The following SNX19 variants were observed in gnomAD, a reference collection of about 807,000 sequenced individuals.
SNX19 encodes the protein sorting nexin-19.
In SNX19, 60 loss-of-function variants were observed where a neutral mutation model predicts 85.2. The ratio of observed to expected loss-of-function variants is 0.70; its 90% confidence interval spans 0.57 to 0.87. The LOEUF (loss-of-function observed/expected upper bound fraction) is 0.87. Ranked by LOEUF, SNX19 falls within the 40% of genes least tolerant of loss-of-function variation. The pLI is 0.00. For synonymous variants in SNX19, 520 were observed against 470.0 expected, an observed-to-expected ratio of 1.11 and a Z score of -1.38; for missense variants, 1,201 against 1,217.8, an observed-to-expected ratio of 0.99 and a Z score of 0.21.
At position 130,868,017 on chromosome 11, in the gene SNX19, G is replaced by A. The variant is rs942753820; in HGVS notation, c.*10405C>T. ...TAATCCTGTGACAATGCCAAAGAAC[G>A]AAATGATTTTTTAAAAAATCTCTTC... is the stretch of plus-strand genomic sequence containing the variant. On this transcript the variant is annotated 3_prime_UTR_variant, in exon 11 of 11. Coordinates refer to ENST00000265909, the MANE Select transcript of SNX19 (RefSeq NM_014758.3). The A allele has an allele frequency of 5.3e-5, 8 of 152,122 alleles. No individual in the cohort carries two copies. The highest frequency in any genetic ancestry group is 3.9e-4 in the Admixed American group (6 of 15,286). 9.4% of individuals were successfully genotyped at this position (152,122 alleles called of 1,614,324 possible). A position where few individuals can be genotyped will look rare whatever the true frequency, so the allele number is the denominator to read the frequency against.
Position 130,914,501 on chromosome 11 carries a change from G to C in SNX19, c.1439C>G (p.Pro480Arg). 1 of 1,613,816 alleles carries C rather than the reference G, an allele frequency of 6.2e-7. No individual in the cohort carries two copies. Among genetic ancestry groups the C allele is most frequent in the Non-Finnish European group, 8.5e-7 (1 of 1,179,800 alleles). ...EGPEKTCPSRPSCLEKDLTND... is the reference protein window; with the variant it reads ...EGPEKTCPSRRSCLEKDLTND... ...GGTGAGATCCTTCTCTAAGCATGAC[G>C]GCCGTGAGGGGCAGGTCTTTTCTGG... The change falls in exon 1 of 11, where the codon CCG becomes CGG. Residue 480 changes from proline (P) to arginine (R), a missense_variant. By Grantham distance (103) the Pro-to-Arg change is moderately radical (BLOSUM62 -2). Around this residue, in one of 3 missense-constraint regions of SNX19, gnomAD observed 791 missense variants for 750.9 expected, o/e 1.05. Coordinates refer to ENST00000265909, the MANE Select transcript of SNX19 (RefSeq NM_014758.3).
At position 130,910,349 on chromosome 11, in the gene SNX19, A is replaced by G. The variant is rs1377870479; in HGVS notation, c.1835T>C (p.Leu612Pro). Reference sequence around the variant, plus strand: ...GTTTCCCAATGGAAGATCTGGAAAGAGCTTTTTAGGACCCTTCACATCTTC... The same window carrying G: ...GTTTCCCAATGGAAGATCTGGAAAGGGCTTTTTAGGACCCTTCACATCTTC... ...FIKNVKGPKK[L>P]FPDLPLGNMD... The change falls in exon 3 of 11, where the codon CTC becomes CCC. Residue 612 changes from leucine to proline, a missense_variant. Coordinates refer to ENST00000265909, the MANE Select transcript of SNX19 (RefSeq NM_014758.3). The G allele has an allele frequency of 6.2e-7, 1 of 1,609,786 alleles. No individual in the cohort carries two copies. The highest frequency in any genetic ancestry group is 1.7e-5 in the Admixed American group (1 of 59,694).
intron 2 of SNX19, 110 bp from the exon 3 acceptor site, chr11:130,910,480 TA>T (rs1464723482): frequency 4.8e-5 from 39 of 815,838 alleles, no homozygotes; most frequent in South Asian, 1.1e-4. Context: ...TTCCTTGGAT[TA>T]AAAAAAACAA....
At position 130,878,400 on chromosome 11, in the gene SNX19, G is replaced by C. The variant is rs1195524521; in HGVS notation, c.*22C>G. 1.2e-6 allele frequency: 2 copies of C among 1,611,532 alleles called. No individual in the cohort carries two copies. Among genetic ancestry groups the C allele is most frequent in the Non-Finnish European group, 1.7e-6 (2 of 1,178,696 alleles). On this transcript the variant is annotated 3_prime_UTR_variant, in exon 11 of 11. Coordinates refer to ENST00000265909, the MANE Select transcript of SNX19 (RefSeq NM_014758.3). ...CGAGTAACTCTACTTCCCTGACCTGGGAAGAAGGCGTGAATAACCAGCTAA... is the reference window on the plus strand; with the variant it reads ...CGAGTAACTCTACTTCCCTGACCTGCGAAGAAGGCGTGAATAACCAGCTAA...
At chr11:130,879,777 T>C in intron 9 of SNX19, 66 bp from the exon 10 acceptor site, 1 of 1,449,778 alleles carries the variant, frequency 6.9e-7, no homozygotes, top group Non-Finnish European at 9.7e-7. Context: ...AAGGACAGTC[T>C]CTCCCCAGGA....
At chr11:130,884,871 C>CA (rs34426333) in intron 8 of SNX19, among the ~76,000 whole-genome samples, 12,622 of 64,690 alleles carry the variant, frequency 0.2, 960 homozygotes, top group Middle Eastern at 0.3. Flanking sequence ...GACTCCATCT[C>CA]AAAAAAAAAA....
At position 130,916,299 on chromosome 11, in the gene SNX19, C is replaced by G; in HGVS notation, c.-360G>C. 4.4e-6 allele frequency: 1 copy of G among 227,058 alleles called. No individual in the cohort carries two copies. Among genetic ancestry groups the G allele is most frequent in the Non-Finnish European group, 8.8e-6 (1 of 113,132 alleles). 14.1% of individuals were successfully genotyped at this position (227,058 alleles called of 1,614,324 possible). The stretch of plus-strand genomic sequence containing the variant: ...ACTTACACACGCAGCGGGCAGCGGC[C>G]GGCGAAGACTGGGTCACACGCCGCC... On this transcript the variant is annotated 5_prime_UTR_variant, in exon 1 of 11. Coordinates refer to ENST00000265909, the MANE Select transcript of SNX19 (RefSeq NM_014758.3).
At chr11:130,893,331 TG>T (rs1210385189) in intron 8 of SNX19, among the ~76,000 whole-genome samples, 4 of 152,080 alleles carry the variant, frequency 2.6e-5, no homozygotes, top group Admixed American at 2.0e-4. Context: ...TCAGCAGACA[TG>T]GGAGGACTTC....
In SNX19 at chr11:130,876,390, T is replaced by TATC. The variant is rs1169240638; in HGVS notation, c.*2029_*2031dup. 1 of 152,532 alleles carries TATC rather than the reference T, an allele frequency of 6.6e-6. No homozygotes were observed. Among genetic ancestry groups the TATC allele is most frequent in the African/African-American group, 2.4e-5 (1 of 41,458 alleles). 9.4% of individuals were successfully genotyped at this position (152,532 alleles called of 1,614,324 possible). A position where few individuals can be genotyped will look rare whatever the true frequency, so the allele number is the denominator to read the frequency against. ...GTAGAAGGAGGATCTGAGGACAGCT[T>TATC]ATCTTTTTGGGGTACGTGGAGTAGA... On this transcript the variant is annotated 3_prime_UTR_variant, in exon 11 of 11. Coordinates refer to ENST00000265909, the MANE Select transcript of SNX19 (RefSeq NM_014758.3).
intron 8 of SNX19, among the ~76,000 whole-genome samples, chr11:130,888,289 C>T (rs1004925172): frequency 2.6e-5 from 4 of 152,074 alleles, no homozygotes; most frequent in Admixed American, 2.0e-4. Flanking sequence ...ATTAGAATTA[C>T]TTGCAAATTT....
chr11:130,880,707 A>G lies in SNX19; in HGVS notation c.2673T>C (p.Pro891=). 4.3e-6 allele frequency: 7 copies of G among 1,612,478 alleles called. No individual in the cohort carries two copies. Among genetic ancestry groups the G allele is most frequent in the Non-Finnish European group, 5.9e-6 (7 of 1,178,732 alleles). ...GGGTCCTTACGGGCCGTGGAAACTT[A>G]GGCAAAACTCCACCAGGCCAGATGG... The part of the protein sequence containing the change: ...QESIWPGGVL[P]KFPRPVRTQE... The change falls in exon 9 of 11, where the codon CCT becomes CCC. Residue 891 remains proline, a synonymous_variant. Transcript: ENST00000265909.
In SNX19 at chr11:130,872,306, C is replaced by T. The variant is rs1039857501; in HGVS notation, c.*6116G>A. ...CAAGTCTGAAAATAGCATAGTGTGTCTGCCAAGGTCTGCGGGTGCCCAAAT... is the reference window on the plus strand; with the variant it reads ...CAAGTCTGAAAATAGCATAGTGTGTTTGCCAAGGTCTGCGGGTGCCCAAAT... On this transcript the variant is annotated 3_prime_UTR_variant, in exon 11 of 11. Coordinates refer to ENST00000265909, the MANE Select transcript of SNX19 (RefSeq NM_014758.3). Among the ~76,000 whole-genome samples, 1 of 152,176 alleles carries T rather than the reference C, an allele frequency of 6.6e-6. No individual in the cohort carries two copies. Among genetic ancestry groups the T allele is most frequent in the African/African-American group, 2.4e-5 (1 of 41,434 alleles).
intron 8 of SNX19, among the ~76,000 whole-genome samples, chr11:130,898,095 A>G (rs1945002576): frequency 6.6e-6 from 1 of 151,616 alleles, no homozygotes; most frequent in African/African-American, 2.4e-5. Flanking sequence ...CCTGGCTCAG[A>G]TCAGAGCTCT....
rs1942853386 is a variant in SNX19 at position 130,868,173 on chromosome 11, C to T, written c.*10249G>A. 6.6e-6 allele frequency: 1 copy of T among 152,158 alleles called. No individual in the cohort carries two copies. Among genetic ancestry groups the T allele is most frequent in the Admixed American group, 6.5e-5 (1 of 15,284 alleles). The allele number at this position is 152,158 out of a possible 1,614,324, so 9.4% of individuals were successfully genotyped here. A position where few individuals can be genotyped will look rare whatever the true frequency, so the allele number is the denominator to read the frequency against. ...GTGCTTCCAGAAGGCTGATTTTTCA[C>T]TTCTCATGCCTTCCCTTTTCACACA... On this transcript the variant is annotated 3_prime_UTR_variant, in exon 11 of 11. Coordinates refer to ENST00000265909, the MANE Select transcript of SNX19 (RefSeq NM_014758.3).
At chr11:130,905,456 G>C (rs1223982168) in intron 7 of SNX19, among the ~76,000 whole-genome samples, 1 of 151,386 alleles carries the variant, frequency 6.6e-6, no homozygotes, top group African/African-American at 2.4e-5. Context: ...CCACACACAT[G>C]TTAGAGCTGA....
rs1320638917 is a variant in SNX19, at chr11:130,873,322, C to A, written c.*5100G>T. ...AAAAGCTGAGTAGTTACAACAGAGA[C>A]CATACTGCTGCAAAACCTAGTATTT... On this transcript the variant is annotated 3_prime_UTR_variant, in exon 11 of 11. Coordinates refer to ENST00000265909, the MANE Select transcript of SNX19 (RefSeq NM_014758.3). Among the ~76,000 whole-genome samples the A allele has an allele frequency of 2.0e-5, 3 of 152,196 alleles. No homozygotes were observed. The highest frequency in any genetic ancestry group is 4.4e-5 in the Non-Finnish European group (3 of 68,034).
Position 130,878,357 on chromosome 11 carries a change from T to C in SNX19, c.*65A>G, listed in dbSNP as rs916618894. ...CTACTTGAAGAGGGCACGGGCTTCC[T>C]GACTGGTCTCTGGTGGCCGAGTAAC... On this transcript the variant is annotated 3_prime_UTR_variant, in exon 11 of 11. Coordinates refer to ENST00000265909, the MANE Select transcript of SNX19 (RefSeq NM_014758.3). The C allele has an allele frequency of 6.4e-7, 1 of 1,568,136 alleles. No individual in the cohort carries two copies.
intron 8 of SNX19, among the ~76,000 whole-genome samples, chr11:130,888,922 C>T (rs1156359523): frequency 6.6e-6 from 1 of 152,146 alleles, no homozygotes; most frequent in East Asian, 1.9e-4. Flanking sequence ...ATTCTTCTTG[C>T]TAGGCCATTT....
Position 130,915,565 on chromosome 11 carries a change from T to C in SNX19, c.375A>G (p.Pro125=). ...LSWYRSVSQE[P]AFEEEMEAAM... ...CTGCCTCCATTTCTTCCTCAAAGGCTGGCTCCTGGCTCACGGAACGGTACC... is the reference window on the plus strand; with the variant it reads ...CTGCCTCCATTTCTTCCTCAAAGGCCGGCTCCTGGCTCACGGAACGGTACC... The change falls in exon 1 of 11, where the codon CCA becomes CCG. Residue 125 remains proline (P), a synonymous_variant. Coordinates refer to ENST00000265909, the MANE Select transcript of SNX19 (RefSeq NM_014758.3). The C allele has an allele frequency of 6.2e-7, 1 of 1,614,234 alleles. No homozygotes were observed. Among genetic ancestry groups the C allele is most frequent in the Non-Finnish European group, 8.5e-7 (1 of 1,180,034 alleles).
Sources: gnomAD v4.1 joint callset for allele counts (sites outside exome capture counted in the v4.1 genomes callset) on GRCh38, gnomAD v4.1.1 for gene constraint, gnomAD v4.1.1 regional missense constraint, MANE v1.5 for transcripts, NCBI Gene and HGNC (gene_info 2026-07-23, HGNC 2026-07-21) for gene names.